Variants in FBN1 observed in about 807,000 individuals in gnomAD.
FBN1 encodes fibrillin-1.
In FBN1, 29 loss-of-function variants were observed where a neutral mutation model predicts 365.1. The ratio of observed to expected loss-of-function variants is 0.08; its 90% CI spans 0.06 to 0.11. FBN1 has a LOEUF of 0.11. Among genes scored for constraint, FBN1 ranks in the 10% least tolerant of loss-of-function variants. The pLI, the probability that FBN1 is intolerant of heterozygous loss-of-function variation, is 1.00. For missense variants in FBN1, 2,476 were observed against 3,703.2 expected (o/e 0.67, Z 8.60); for synonymous variants, 1,210 against 1,270.5 (o/e 0.95, Z 1.01).
chr15:48,468,236 T>A, intron 37 of FBN1, 134 bp from the exon 38 acceptor site: 1 of 1,348,966 alleles, frequency 7.4e-7, no homozygotes, highest in Non-Finnish European at 1.0e-6. Flanking sequence ...CCCATGAACA[T>A]TATACACTAC....
intron 6 of FBN1, among the ~76,000 whole-genome samples, chr15:48,552,167 T>A (rs1466913946): frequency 1.3e-5 from 2 of 152,202 alleles, no homozygotes; most frequent in African/African-American, 4.8e-5. Flanking sequence ...GCAGCATCTG[T>A]TATTTTTTGA....
chr15:48,497,423 GATTATAAAATAAAT>G, intron 18 of FBN1, 32 bp from the exon 19 acceptor site: 2 of 1,589,892 alleles, frequency 1.3e-6, no homozygotes, highest in Middle Eastern at 1.7e-4. Context: ...AATCAATTAA[GATTATAAAATAAAT>G]ACTGAATGAA....
At chr15:48,504,264 A>G (rs1416763823) in intron 16 of FBN1, among the ~76,000 whole-genome samples, 5 of 152,226 alleles carry the variant, frequency 3.3e-5, no homozygotes, top group Admixed American at 3.3e-4. Context: ...GCAGGCACTT[A>G]ATAAATGTTG....
intron 10 of FBN1, among the ~76,000 whole-genome samples, chr15:48,519,283 T>C (rs2043831070): frequency 6.6e-6 from 1 of 152,264 alleles, no homozygotes; most frequent in Non-Finnish European, 1.5e-5. Context: ...TATATATTCA[T>C]TGTGCACAAC....
chr15:48,513,279 C>T (rs2141327216), intron 13 of FBN1, among the ~76,000 whole-genome samples: 1 of 152,316 alleles, frequency 6.6e-6, no homozygotes, highest in Non-Finnish European at 1.5e-5. Flanking sequence ...CAGATGAAAA[C>T]TTAAGAGGCA....
At chr15:48,433,977 C>G (rs2043043351) in intron 54 of FBN1, among the ~76,000 whole-genome samples, 1 of 152,158 alleles carries the variant, frequency 6.6e-6, no homozygotes, top group Non-Finnish European at 1.5e-5. Context: ...TTGGATGAGG[C>G]CTCACAATGT....
intron 6 of FBN1, among the ~76,000 whole-genome samples, chr15:48,565,161 C>T (rs1566928142): frequency 1.3e-5 from 2 of 152,150 alleles, no homozygotes; most frequent in African/African-American, 4.8e-5. Context: ...TCTCTCACCT[C>T]CCCTATTCCT....
intron 6 of FBN1, among the ~76,000 whole-genome samples, chr15:48,587,824 T>C (rs771239667): frequency 1.3e-5 from 2 of 152,216 alleles, no homozygotes; most frequent in East Asian, 1.9e-4. Context: ...TTATATCTAA[T>C]TGACATGATA....
intron 48 of FBN1, among the ~76,000 whole-genome samples, chr15:48,444,958 G>C (rs1689138736): frequency 6.6e-6 from 1 of 151,624 alleles, no homozygotes; most frequent in Non-Finnish European, 1.5e-5. Flanking sequence ...AAAGATATGA[G>C]AGCTTACTAC....
intron 4 of FBN1, among the ~76,000 whole-genome samples, chr15:48,602,380 A>G (rs1358158380): frequency 6.6e-6 from 1 of 152,122 alleles, no homozygotes; most frequent in Non-Finnish European, 1.5e-5. Context: ...GGAGTGGGAG[A>G]GCATTAATTA....
At chr15:48,421,816 A>G in intron 61 of FBN1, 130 bp from the exon 62 acceptor site, 1 of 1,188,798 alleles carries the variant, frequency 8.4e-7, no homozygotes, top group Non-Finnish European at 1.2e-6. Context: ...ATACATGTAC[A>G]GGTGTGCTCA....
Position 48,427,693 on chromosome 15 carries a change from T to G in FBN1, c.7078A>C (p.Lys2360Gln), listed in dbSNP as rs1176963033. The stretch of plus-strand genomic sequence containing the variant: ...CCTCCGTCACAGCAGCATTCCGATT[T>G]GGTGACGGGGTTCCTGTTGCTGGAG... ...IGSSNRNPVTKSECCCDGGRG... is the reference protein window; with the variant it reads ...IGSSNRNPVTQSECCCDGGRG... Residue 2360 changes from lysine (K) to glutamine (Q), a missense_variant, in exon 58 of 66, where the codon AAA (lysine) becomes CAA (glutamine). Physicochemically the swap from Lys to Gln is moderately conservative, Grantham distance 53. Transcript: ENST00000316623. 2 of 1,613,978 alleles carry G rather than the reference T, an allele frequency of 1.2e-6. No homozygotes were observed. The highest frequency in any genetic ancestry group is 1.7e-5 in the Admixed American group (1 of 59,998).
intron 2 of FBN1, among the ~76,000 whole-genome samples, chr15:48,614,343 T>C (rs1387249435): frequency 2.6e-5 from 4 of 152,214 alleles, no homozygotes; most frequent in Non-Finnish European, 5.9e-5. Flanking sequence ...AACAACTGTA[T>C]AGCTAAAATG....
chr15:48,453,307 C>T (rs200108712), intron 44 of FBN1, among the ~76,000 whole-genome samples: 24 of 114,556 alleles, frequency 2.1e-4, no homozygotes, highest in African/African-American at 7.0e-4. Flanking sequence ...AAAAAAAACA[C>T]ACACAAAAAA....
intron 38 of FBN1, 106 bp from the exon 39 acceptor site, chr15:48,465,964 GGAATC>G: frequency 2.5e-6 from 2 of 806,874 alleles, no homozygotes; most frequent in Non-Finnish European, 4.2e-6. Context: ...TTCATTTTCA[GGAATC>G]TTTAGTTGTT....
chr15:48,627,137 T>C (rs145041038), intron 2 of FBN1, among the ~76,000 whole-genome samples: 2 of 152,362 alleles, frequency 1.3e-5, no homozygotes, highest in African/African-American at 4.8e-5. Flanking sequence ...CCAAAGAGAA[T>C]GTATTCTCTT....
chr15:48,636,733 A>T (rs970765170), intron 2 of FBN1, among the ~76,000 whole-genome samples: 3 of 152,198 alleles, frequency 2.0e-5, no homozygotes, highest in Non-Finnish European at 4.4e-5. Flanking sequence ...GCCTGGTCAC[A>T]GAACCAGATG....
intron 4 of FBN1, among the ~76,000 whole-genome samples, chr15:48,607,669 T>TA (rs1343639046): frequency 1.3e-5 from 2 of 152,078 alleles, no homozygotes; most frequent in East Asian, 3.8e-4. Context: ...TCTAGAACTG[T>TA]AAAAAAATAC....
chr15:48,550,645 T>C (rs2044133979), intron 6 of FBN1, among the ~76,000 whole-genome samples: 1 of 152,140 alleles, frequency 6.6e-6, no homozygotes, highest in African/African-American at 2.4e-5. Flanking sequence ...TCCCCCTCCA[T>C]TGACACTGAG....
Sources: allele counts gnomAD v4.1 joint callset (sites outside exome capture counted in the v4.1 genomes callset), GRCh38; gene constraint gnomAD v4.1.1; transcripts MANE v1.5; gene names NCBI Gene and HGNC (gene_info 2026-07-23, HGNC 2026-07-21).